The following ZNF98 variants were observed in gnomAD, a reference collection of about 807,000 sequenced individuals.
The protein encoded by ZNF98 is zinc finger protein 739.
Under a neutral mutation model 12.8 loss-of-function variants are expected in ZNF98, and 8 were observed. That is an observed-to-expected ratio of 0.63 (90% CI 0.37 to 1.13). The LOEUF is 1.13. Ranked by LOEUF, ZNF98 falls within the 50% of genes most tolerant of loss-of-function variation. ZNF98 has a pLI of 0.01. For synonymous variants in ZNF98, 112 were observed against 223.5 expected, an observed-to-expected ratio of 0.50 and a Z score of 4.45; for missense variants, 379 against 666.1, an observed-to-expected ratio of 0.57 and a Z score of 4.74.
At chr19:22,410,219 A>G (rs1174938201) in intron 1 of ZNF98, among the ~76,000 whole-genome samples, 4 of 152,208 alleles carry the variant, frequency 2.6e-5, no homozygotes, top group Non-Finnish European at 5.9e-5. Flanking sequence ...AGAACCAGAA[A>G]TATCATTTGA....
intron 1 of ZNF98, among the ~76,000 whole-genome samples, chr19:22,413,519 T>C (rs1254925004): frequency 6.6e-6 from 1 of 152,000 alleles, no homozygotes; most frequent in Non-Finnish European, 1.5e-5. Context: ...TCTAGGACTA[T>C]AGCTAACCAG....
chr19:22,421,898 C>A (rs1969708258), intron 1 of ZNF98, among the ~76,000 whole-genome samples: 1 of 152,210 alleles, frequency 6.6e-6, no homozygotes, highest in South Asian at 2.1e-4. Flanking sequence ...ACGACCCTCT[C>A]GTGGTCCCTG....
intron 3 of ZNF98, among the ~76,000 whole-genome samples, chr19:22,399,026 C>T (rs8182525): frequency 6.6e-6 from 1 of 152,150 alleles, no homozygotes; most frequent in Non-Finnish European, 1.5e-5. Context: ...CACCGACTTA[C>T]ATGTAAAAAC....
intron 1 of ZNF98, among the ~76,000 whole-genome samples, chr19:22,416,151 C>A (rs1421625722): frequency 6.8e-6 from 1 of 147,948 alleles, no homozygotes; most frequent in Non-Finnish European, 1.5e-5. Context: ...CTCAAAAAAA[C>A]AAAACAAAAC....
At chr19:22,405,296 G>A (rs1411928995) in intron 1 of ZNF98, among the ~76,000 whole-genome samples, 5 of 150,676 alleles carry the variant, frequency 3.3e-5, no homozygotes, top group Non-Finnish European at 5.9e-5. Flanking sequence ...AAAATTAGGG[G>A]CAGGGCAAAG....
intron 3 of ZNF98, among the ~76,000 whole-genome samples, chr19:22,395,794 T>C (rs1969384656): frequency 6.6e-6 from 1 of 151,740 alleles, no homozygotes; most frequent in South Asian, 2.1e-4. Flanking sequence ...ACAAACATAG[T>C]CTTATGATAT....
intron 1 of ZNF98, among the ~76,000 whole-genome samples, chr19:22,413,014 C>T (rs1263447401): frequency 1.3e-5 from 2 of 151,962 alleles, no homozygotes; most frequent in Non-Finnish European, 2.9e-5. Context: ...GATTGCACCA[C>T]TGCACTCCAG....
At chr19:22,400,952 C>CGA (rs200885386) in intron 3 of ZNF98, among the ~76,000 whole-genome samples, 12 of 95,426 alleles carry the variant, frequency 1.3e-4, no homozygotes, top group African/African-American at 4.3e-4. Flanking sequence ...GACACTGTCT[C>CGA]AAAAAACAAA....
At chr19:22,401,860 AT>A (rs570902498) in intron 3 of ZNF98, among the ~76,000 whole-genome samples, 27 of 147,812 alleles carry the variant, frequency 1.8e-4, no homozygotes, top group South Asian at 6.5e-4. Flanking sequence ...AAATTCCAGT[AT>A]TTTTTTTTTA....
intron 1 of ZNF98, among the ~76,000 whole-genome samples, chr19:22,406,923 G>A (rs988193112): frequency 1.3e-5 from 2 of 152,152 alleles, no homozygotes; most frequent in African/African-American, 2.4e-5. Context: ...ACTGGATGGA[G>A]AATAAGATAG....
chr19:22,393,866 A>C (rs890383439), intron 3 of ZNF98, among the ~76,000 whole-genome samples: 2 of 152,204 alleles, frequency 1.3e-5, no homozygotes, highest in African/African-American at 4.8e-5. Context: ...GCTTCTGTAC[A>C]GCTAAAGAAA....
intron 1 of ZNF98, among the ~76,000 whole-genome samples, chr19:22,407,276 C>T (rs1470845911): frequency 3.3e-5 from 5 of 151,810 alleles, no homozygotes; most frequent in Non-Finnish European, 5.9e-5. Flanking sequence ...AGGTTGGTTT[C>T]GAACTCTTGA....
rs531956168 is a variant in ZNF98 at position 22,401,168 on chromosome 19, T to C, written c.253+1621A>G. Among the ~76,000 whole-genome samples, 11 of 151,586 alleles carry C rather than the reference T, an allele frequency of 7.3e-5. No homozygotes were observed. The East Asian group carries it at 2.1e-3, about 29-fold the overall frequency. ...AGACAAATAAGTAAAAAGTTGCTTT[T>C]TGTAGATCATTTGATCTTGTATATA... On this transcript the variant is annotated intron_variant, in intron 3 of 3. Transcript: ENST00000357774.
At chr19:22,401,247 T>C (rs1345880349) in intron 3 of ZNF98, among the ~76,000 whole-genome samples, 1 of 151,870 alleles carries the variant, frequency 6.6e-6, no homozygotes, top group East Asian at 1.9e-4. Flanking sequence ...TTACACTCAA[T>C]AAGTTAGCAA....
At chr19:22,402,987 T>C (rs1256068846) in intron 2 of ZNF98, 103 bp from the exon 3 acceptor site, 7 of 1,158,732 alleles carry the variant, frequency 6.0e-6, no homozygotes, top group Non-Finnish European at 8.2e-6. Flanking sequence ...AGTAAATTGA[T>C]TCCAAAATAC....
intron 1 of ZNF98, among the ~76,000 whole-genome samples, chr19:22,410,310 CTG>C (rs996712465): frequency 6.6e-6 from 1 of 151,934 alleles, no homozygotes; most frequent in African/African-American, 2.4e-5. Flanking sequence ...CGTATGTTTA[CTG>C]TAGCACTAAT....
At chr19:22,412,001 T>A (rs1448764484) in intron 1 of ZNF98, among the ~76,000 whole-genome samples, 3 of 152,220 alleles carry the variant, frequency 2.0e-5, no homozygotes. Context: ...CCATGGGCAC[T>A]AATAGACACA....
At chr19:22,411,819 T>C (rs891578413) in intron 1 of ZNF98, among the ~76,000 whole-genome samples, 2 of 152,226 alleles carry the variant, frequency 1.3e-5, no homozygotes, top group Non-Finnish European at 2.9e-5. Context: ...CTGGACATGT[T>C]CTTGAACTCT....
intron 1 of ZNF98, among the ~76,000 whole-genome samples, chr19:22,419,333 G>C (rs183027099): frequency 6.6e-6 from 1 of 152,082 alleles, no homozygotes; most frequent in Non-Finnish European, 1.5e-5. Context: ...ATCTCTCTGT[G>C]GGGCCCCAGT....
Sources: allele counts gnomAD v4.1 joint callset (sites outside exome capture counted in the v4.1 genomes callset), GRCh38; gene constraint gnomAD v4.1.1; transcripts MANE v1.5; gene names NCBI Gene and HGNC (gene_info 2026-07-23, HGNC 2026-07-21).